ATXN7L1: variants seen among roughly 807,000 people sequenced by gnomAD.
The protein encoded by ATXN7L1 is ataxin 7 like 1, also known as ataxin-7-like protein 1.
ATXN7L1 carries 15 observed loss-of-function variants against 70.8 expected under a neutral mutation model. The observed-to-expected ratio is 0.21, with a 90% CI of 0.14 to 0.33. The LOEUF (loss-of-function observed/expected upper bound fraction) is 0.33. Ranked by LOEUF, ATXN7L1 falls within the 10% of genes least tolerant of loss-of-function variation. The probability of loss-of-function intolerance (pLI) is 1.00; values close to 1 mark genes in which losing one functional copy is unlikely to be tolerated. For missense variants in ATXN7L1, 975 were observed against 1,097.1 expected (o/e 0.89, Z 1.57); for synonymous variants, 440 against 445.1 (o/e 0.99, Z 0.14).
intron 4 of ATXN7L1, among the ~76,000 whole-genome samples, chr7:105,661,192 G>A (rs1801549033): frequency 6.6e-6 from 1 of 152,200 alleles, no homozygotes; most frequent in Admixed American, 6.5e-5. Flanking sequence ...AAAGGTGCTT[G>A]TGTGACACCA....
At chr7:105,668,753 G>T (rs1418831067) in intron 3 of ATXN7L1, among the ~76,000 whole-genome samples, 3 of 151,796 alleles carry the variant, frequency 2.0e-5, no homozygotes, top group Non-Finnish European at 4.4e-5. Flanking sequence ...CTTTTTTTTG[G>T]TAAGGCCAGG....
rs568280342 is a variant in ATXN7L1 at position 105,808,665 on chromosome 7, T to C, written c.251-19957A>G. ...GCTAGGATGTCACTTTGCCCAAGCA[T>C]ATTTATAAAGGGAGGAGGAGATAAG... On this transcript the variant is annotated intron_variant, in intron 2 of 11. Coordinates refer to ENST00000419735, the MANE Select transcript of ATXN7L1 (RefSeq NM_020725.2). 1.1e-3 allele frequency among the ~76,000 whole-genome samples: 165 copies of C among 152,318 alleles called. 1 individual carries two copies. The highest frequency in any genetic ancestry group is 3.8e-3 in the African/African-American group (158 of 41,574).
intron 3 of ATXN7L1, among the ~76,000 whole-genome samples, chr7:105,742,720 A>G (rs1017777169): frequency 6.6e-6 from 1 of 152,120 alleles, no homozygotes; most frequent in African/African-American, 2.4e-5. Flanking sequence ...TACACGCACA[A>G]CCATTTAGCT....
At chr7:105,865,649 C>T (rs936038149) in intron 2 of ATXN7L1, among the ~76,000 whole-genome samples, 3 of 152,206 alleles carry the variant, frequency 2.0e-5, no homozygotes, top group African/African-American at 4.8e-5. Context: ...GATCTGCCCA[C>T]CTTGGCCTCC....
chr7:105,731,788 G>GAAAAGAAAAGAAAAGAAAAGAA lies in ATXN7L1; in HGVS notation c.355+56815_355+56816insTTCTTTTCTTTTCTTTTCTTTT, dbSNP rs1563046451. ...GAAAAGAAAAGAAAAGAAAAGAAAAGAAAAGAAAAGAAAAGAAAACCCAGC... is the reference window on the plus strand; with the variant it reads ...GAAAAGAAAAGAAAAGAAAAGAAAAGAAAAGAAAAGAAAAGAAAAGAAAAAAGAAAAGAAAAGAAAACCCAGC... On this transcript the variant is annotated intron_variant, in intron 3 of 11. Transcript: ENST00000419735. Among the ~76,000 whole-genome samples, 903 of 151,132 alleles carry GAAAAGAAAAGAAAAGAAAAGAA rather than the reference G, an allele frequency of 6.0e-3. 11 individuals are homozygous for GAAAAGAAAAGAAAAGAAAAGAA. Among genetic ancestry groups the GAAAAGAAAAGAAAAGAAAAGAA allele is most frequent in the African/African-American group, 0.021 (864 of 41,056 alleles).
At chr7:105,711,035 C>T (rs202063126) in intron 3 of ATXN7L1, among the ~76,000 whole-genome samples, 14 of 152,268 alleles carry the variant, frequency 9.2e-5, no homozygotes, top group East Asian at 7.7e-4. Flanking sequence ...TTCACTATCA[C>T]GAGAACAGCA....
intron 4 of ATXN7L1, among the ~76,000 whole-genome samples, chr7:105,648,589 T>G (rs988256826): frequency 2.0e-5 from 3 of 152,128 alleles, no homozygotes; most frequent in Admixed American, 1.3e-4. Context: ...AAGAGCCTAT[T>G]AAGAGCCCCA....
At chr7:105,648,914 G>A (rs1799457615) in intron 4 of ATXN7L1, among the ~76,000 whole-genome samples, 1 of 151,434 alleles carries the variant, frequency 6.6e-6, no homozygotes, top group East Asian at 1.9e-4. Context: ...TCACAGTAAC[G>A]CAAACACCTC....
At chr7:105,657,095 T>C (rs1237076675) in intron 4 of ATXN7L1, among the ~76,000 whole-genome samples, 4 of 152,200 alleles carry the variant, frequency 2.6e-5, no homozygotes, top group East Asian at 3.8e-4. Context: ...GGGTTGGCAC[T>C]GCTTATGCTT....
At chr7:105,623,493 G>A (rs1257070245) in intron 8 of ATXN7L1, among the ~76,000 whole-genome samples, 3 of 152,204 alleles carry the variant, frequency 2.0e-5, no homozygotes, top group South Asian at 2.1e-4. Flanking sequence ...TCAAGGAAAT[G>A]GAAAGAAAGT....
chr7:105,633,686 C>T (rs985083780), intron 7 of ATXN7L1, among the ~76,000 whole-genome samples: 5 of 152,192 alleles, frequency 3.3e-5, no homozygotes, highest in African/African-American at 9.7e-5. Flanking sequence ...AGACACTGCT[C>T]TCCAGCCTGG....
chr7:105,631,523 G>T (rs1374488031), intron 7 of ATXN7L1, among the ~76,000 whole-genome samples: 2 of 152,220 alleles, frequency 1.3e-5, no homozygotes, highest in East Asian at 3.8e-4. Flanking sequence ...CTAGAGTGCA[G>T]CGGTGCCATC....
At position 105,780,053 on chromosome 7, in the gene ATXN7L1, T is replaced by C. The variant is rs532716035; in HGVS notation, c.355+8551A>G. Among the ~76,000 whole-genome samples, 4 of 152,328 alleles carry C rather than the reference T, an allele frequency of 2.6e-5. No individual in the cohort carries two copies. The East Asian group carries it at 7.7e-4, about 29-fold the overall frequency. On this transcript the variant is annotated intron_variant, in intron 3 of 11. Coordinates refer to ENST00000419735, the MANE Select transcript of ATXN7L1 (RefSeq NM_020725.2). ...GATAATTAGCAGGTGATAATGCCCC[T>C]GACACTCTGAGAAGCCCAGGGGGCA...
At chr7:105,664,953 A>G (rs1802394281) in intron 4 of ATXN7L1, 113 bp downstream of exon 4, 14 of 1,099,758 alleles carry the variant, frequency 1.3e-5, no homozygotes, top group Admixed American at 2.5e-5. Context: ...CAGTCCCCCA[A>G]ATTCCTGCAT....
At chr7:105,651,562 C>T (rs1358521931) in intron 4 of ATXN7L1, among the ~76,000 whole-genome samples, 1 of 152,226 alleles carries the variant, frequency 6.6e-6, no homozygotes, top group East Asian at 1.9e-4. Context: ...CAGCCTTCCA[C>T]ATTCATGCAG....
rs545202554 is a variant in ATXN7L1, at chr7:105,742,834, G to A, written c.355+45770C>T. Among the ~76,000 whole-genome samples the A allele has an allele frequency of 2.9e-4, 44 of 152,138 alleles. No homozygotes were observed. The South Asian group carries it at 6.2e-3, about 22-fold the overall frequency. On this transcript the variant is annotated intron_variant, in intron 3 of 11. Transcript: ENST00000419735. ...TTACCCCCACTTCCCAAACACATAC[G>A]CACAGCCTGGGCCCTCCTCCAAAAC...
intron 3 of ATXN7L1, among the ~76,000 whole-genome samples, chr7:105,730,787 G>A (rs1281580497): frequency 6.6e-6 from 1 of 152,018 alleles, no homozygotes; most frequent in Non-Finnish European, 1.5e-5. Context: ...CTAAATGTAA[G>A]TTGGTGCCCT....
At chr7:105,610,964 G>A (rs1454438187) in intron 10 of ATXN7L1, among the ~76,000 whole-genome samples, 1 of 152,186 alleles carries the variant, frequency 6.6e-6, no homozygotes, top group African/African-American at 2.4e-5. Context: ...GTGGCCAAAC[G>A]GTCACACAGC....
chr7:105,722,893 A>G (rs1795366264), intron 3 of ATXN7L1, among the ~76,000 whole-genome samples: 1 of 146,394 alleles, frequency 6.8e-6, no homozygotes, highest in African/African-American at 2.8e-5. Flanking sequence ...TCAAAGAAAT[A>G]AAATAAAATA....
Sources: allele counts gnomAD v4.1 joint callset (sites outside exome capture counted in the v4.1 genomes callset), GRCh38; gene constraint gnomAD v4.1.1; transcripts MANE v1.5; gene names NCBI Gene and HGNC (gene_info 2026-07-23, HGNC 2026-07-21).